THSD7B: variants seen among roughly 807,000 people sequenced by gnomAD.
THSD7B encodes thrombospondin type-1 domain-containing protein 7B.
In THSD7B, 138 loss-of-function variants were observed where a neutral mutation model predicts 213.6. That is an observed-to-expected ratio of 0.65 (90% CI 0.56 to 0.74). The LOEUF is 0.74. THSD7B is among the 30% of genes least tolerant of loss of function. THSD7B has a pLI of 0.00. For synonymous variants in THSD7B, 742 were observed against 687.0 expected, an observed-to-expected ratio of 1.08 and a Z score of -1.25; for missense variants, 1,931 against 1,991.5, an observed-to-expected ratio of 0.97 and a Z score of 0.58.
chr2:137,352,068 C>T (rs972321764), intron 12 of THSD7B, among the ~76,000 whole-genome samples: 1 of 151,574 alleles, frequency 6.6e-6, no homozygotes, highest in African/African-American at 2.4e-5. Flanking sequence ...AGATTGGACA[C>T]CTCTGTGCTA....
chr2:137,081,874 ATGT>A (rs1687753146), intron 3 of THSD7B, among the ~76,000 whole-genome samples: 1 of 151,746 alleles, frequency 6.6e-6, no homozygotes, highest in South Asian at 2.1e-4. Flanking sequence ...TGATTTATGG[ATGT>A]TGTTGCTGGT....
intron 2 of THSD7B, among the ~76,000 whole-genome samples, chr2:136,906,965 T>TTTTTTA (rs1491028452): frequency 1.9e-5 from 2 of 102,598 alleles, no homozygotes; most frequent in African/African-American, 4.2e-5. Context: ...TTTTTTTTTT[T>TTTTTTA]AGAGGGTCTG....
At chr2:137,409,187 C>G (rs1295355441) in intron 13 of THSD7B, among the ~76,000 whole-genome samples, 1 of 152,158 alleles carries the variant, frequency 6.6e-6, no homozygotes, top group Non-Finnish European at 1.5e-5. Flanking sequence ...TGAAAGCTGG[C>G]TCTGACTGCA....
intron 2 of THSD7B, among the ~76,000 whole-genome samples, chr2:136,950,454 C>A (rs1357217968): frequency 6.6e-6 from 1 of 151,874 alleles, no homozygotes; most frequent in Non-Finnish European, 1.5e-5. Flanking sequence ...AAAGATGCCC[C>A]AAGATGGTAA....
At position 137,667,793 on chromosome 2, in the gene THSD7B, G is replaced by T; in HGVS notation, c.4671G>T (p.Trp1557Cys). The T allele has an allele frequency of 6.2e-7, 1 of 1,605,646 alleles. No homozygotes were observed. Among genetic ancestry groups the T allele is most frequent in the Non-Finnish European group, 8.5e-7 (1 of 1,175,548 alleles). ...PLDPDGRVKIWVYGVSGGAFL... is the reference protein window; with the variant it reads ...PLDPDGRVKICVYGVSGGAFL... ...AAACAGATGGCCGAGTAAAAATTTG[G>T]GTTTATGGCGTTTCAGGTGGCGCTT... The change falls in exon 27 of 28, where the codon TGG becomes TGT. Residue 1557 changes from tryptophan to cysteine, a missense_variant. Coordinates refer to ENST00000409968, the MANE Select transcript of THSD7B (RefSeq NM_001316349.2).
intron 12 of THSD7B, among the ~76,000 whole-genome samples, chr2:137,366,648 A>G (rs1188546389): frequency 6.6e-6 from 1 of 152,118 alleles, no homozygotes; most frequent in African/African-American, 2.4e-5. Context: ...TAGAAGAAAA[A>G]CTAGTCCACT....
intron 1 of THSD7B, among the ~76,000 whole-genome samples, chr2:136,871,004 T>C (rs1683422959): frequency 9.4e-6 from 1 of 105,890 alleles, no homozygotes; most frequent in South Asian, 3.1e-4. Flanking sequence ...GGCTTGATAC[T>C]GGATAGATTG....
At chr2:137,562,594 TTG>T (rs72488766) in intron 15 of THSD7B, among the ~76,000 whole-genome samples, 18,769 of 144,992 alleles carry the variant, frequency 0.13, 1,263 homozygotes, top group South Asian at 0.22. Flanking sequence ...GTATTTCTCT[TTG>T]TGTGTGTGTG....
intron 15 of THSD7B, among the ~76,000 whole-genome samples, chr2:137,551,048 G>T (rs1680837699): frequency 2.6e-5 from 4 of 151,444 alleles, no homozygotes; most frequent in African/African-American, 9.7e-5. Flanking sequence ...CCGAATCATT[G>T]AAGTAATCAA....
intron 15 of THSD7B, among the ~76,000 whole-genome samples, chr2:137,465,465 G>A (rs1410939105): frequency 6.6e-6 from 1 of 152,042 alleles, no homozygotes; most frequent in Non-Finnish European, 1.5e-5. Context: ...TGATCCAACT[G>A]TCTATATGTT....
chr2:137,576,460 A>G lies in THSD7B; in HGVS notation c.3423+3904A>G, dbSNP rs184415270. On this transcript the variant is annotated intron_variant, in intron 17 of 27. Coordinates refer to ENST00000409968, the MANE Select transcript of THSD7B (RefSeq NM_001316349.2). ...TAAACAGTGGTCCCAAGGAAACTTC[A>G]TGATCAAAAAGTGACCAAAATCTTT... 1.3e-4 allele frequency among the ~76,000 whole-genome samples: 20 copies of G among 152,258 alleles called. No individual in the cohort carries two copies. The East Asian group carries it at 3.5e-3, about 26-fold the overall frequency.
intron 3 of THSD7B, among the ~76,000 whole-genome samples, chr2:137,089,341 T>C (rs974320325): frequency 6.6e-6 from 1 of 150,482 alleles, no homozygotes; most frequent in Non-Finnish European, 1.5e-5. Context: ...TGTATATGTA[T>C]ATATACATAT....
At chr2:137,283,307 G>A (rs994779224) in intron 12 of THSD7B, among the ~76,000 whole-genome samples, 1 of 152,202 alleles carries the variant, frequency 6.6e-6, no homozygotes, top group African/African-American at 2.4e-5. Flanking sequence ...ATTTTGGGCT[G>A]AGATGATGGG....
chr2:137,028,732 T>G (rs1686601784), intron 2 of THSD7B, among the ~76,000 whole-genome samples: 1 of 152,200 alleles, frequency 6.6e-6, no homozygotes, highest in African/African-American at 2.4e-5. Flanking sequence ...GTGGGCAACC[T>G]ACCGCAGTGA....
intron 15 of THSD7B, among the ~76,000 whole-genome samples, chr2:137,518,822 C>T (rs1680123781): frequency 6.6e-6 from 1 of 152,198 alleles, no homozygotes; most frequent in Non-Finnish European, 1.5e-5. Context: ...CCCAATTTGC[C>T]AGCAGCATAA....
chr2:137,009,388 G>A (rs975538736), intron 2 of THSD7B, among the ~76,000 whole-genome samples: 2 of 152,102 alleles, frequency 1.3e-5, no homozygotes, highest in African/African-American at 2.4e-5. Flanking sequence ...ACTGTTTCAT[G>A]CATTATAGTA....
intron 2 of THSD7B, among the ~76,000 whole-genome samples, chr2:136,897,577 C>G (rs183297562): frequency 1.3e-5 from 2 of 152,098 alleles, no homozygotes; most frequent in South Asian, 4.1e-4. Flanking sequence ...TTGTGAAGAG[C>G]GAAAGAACAA....
intron 1 of THSD7B, among the ~76,000 whole-genome samples, chr2:136,781,856 A>T (rs1245383702): frequency 6.6e-6 from 1 of 152,112 alleles, no homozygotes; most frequent in Non-Finnish European, 1.5e-5. Flanking sequence ...CTAGATGTGG[A>T]GAAATAACAC....
At chr2:137,470,049 A>G (rs553738348) in intron 15 of THSD7B, among the ~76,000 whole-genome samples, 54 of 152,346 alleles carry the variant, frequency 3.5e-4, no homozygotes, top group African/African-American at 1.2e-3. Flanking sequence ...TTTATAGCCC[A>G]TCTAGAAGAC....
Sources: allele counts gnomAD v4.1 joint callset (sites outside exome capture counted in the v4.1 genomes callset), GRCh38; gene constraint gnomAD v4.1.1; transcripts MANE v1.5; gene names NCBI Gene and HGNC (gene_info 2026-07-23, HGNC 2026-07-21).